Variants in DPP10 observed in about 807,000 individuals in gnomAD.
The protein encoded by DPP10 is inactive dipeptidyl peptidase 10.
A neutral mutation model predicts 120.9 loss-of-function variants in DPP10; 33 were observed. The observed-to-expected ratio is 0.27, with a 90% CI of 0.21 to 0.37. The LOEUF is 0.37. Ranked by LOEUF, DPP10 falls within the 10% of genes least tolerant of loss-of-function variation. DPP10 has a pLI of 1.00. For missense variants in DPP10, 816 were observed against 942.8 expected (o/e 0.87, Z 1.76); for synonymous variants, 337 against 326.1 (o/e 1.03, Z -0.36).
chr2:114,574,902 C>T (rs1387684975), intron 1 of DPP10, among the ~76,000 whole-genome samples: 1 of 152,076 alleles, frequency 6.6e-6, no homozygotes, highest in East Asian at 1.9e-4. Flanking sequence ...GGCAGGCTGC[C>T]TATGTGGGTT....
intron 1 of DPP10, among the ~76,000 whole-genome samples, chr2:114,981,793 A>T (rs1455929081): frequency 6.8e-6 from 1 of 147,814 alleles, no homozygotes; most frequent in Non-Finnish European, 1.5e-5. Flanking sequence ...TTTTTTTTAG[A>T]TAGGGTGTCT....
chr2:114,920,411 C>T (rs1695116194), intron 1 of DPP10, among the ~76,000 whole-genome samples: 1 of 152,128 alleles, frequency 6.6e-6, no homozygotes, highest in Non-Finnish European at 1.5e-5. Flanking sequence ...TGGTCATGTC[C>T]TCTCCCATCT....
intron 1 of DPP10, among the ~76,000 whole-genome samples, chr2:115,030,827 A>C (rs1189797319): frequency 6.6e-6 from 1 of 152,186 alleles, no homozygotes; most frequent in Non-Finnish European, 1.5e-5. Context: ...AGTGTAAATT[A>C]GTTCAAAAAT....
rs1690407065 is a variant in DPP10 at position 115,844,019 on chromosome 2, C to G, written c.*1674C>G. 1 of 152,546 alleles carries G rather than the reference C, an allele frequency of 6.6e-6. No homozygotes were observed. Among genetic ancestry groups the G allele is most frequent in the African/African-American group, 2.4e-5 (1 of 41,424 alleles). The allele number at this position is 152,546 out of a possible 1,614,324, so 9.4% of individuals were successfully genotyped here. A position where few individuals can be genotyped will look rare whatever the true frequency, so the allele number is the denominator to read the frequency against. On this transcript the variant is annotated 3_prime_UTR_variant, in exon 26 of 26. Transcript: ENST00000410059. Reference sequence around the variant, plus strand: ...TCATGGATTTGGTATTCAACTTTTTCCCTGGATGCTTTGGAATCGTGTCTT... The same window carrying G: ...TCATGGATTTGGTATTCAACTTTTTGCCTGGATGCTTTGGAATCGTGTCTT...
At chr2:115,638,438 C>T (rs934508957) in intron 5 of DPP10, among the ~76,000 whole-genome samples, 3 of 152,078 alleles carry the variant, frequency 2.0e-5, no homozygotes, top group Admixed American at 1.3e-4. Context: ...TCTCTAAGGC[C>T]GAATCCAAGT....
chr2:115,426,559 C>T (rs2070476537), intron 3 of DPP10, among the ~76,000 whole-genome samples: 1 of 112,162 alleles, frequency 8.9e-6, no homozygotes, highest in Admixed American at 9.3e-5. Context: ...GATGACATTT[C>T]AACATGAGAT....
chr2:114,446,294 A>AT (rs1229853798), intron 1 of DPP10, among the ~76,000 whole-genome samples: 1 of 152,064 alleles, frequency 6.6e-6, no homozygotes, highest in Non-Finnish European at 1.5e-5. Context: ...AAATGTGCAG[A>AT]TTTTTTTCTT....
At chr2:115,366,613 G>A (rs2106376961) in intron 3 of DPP10, among the ~76,000 whole-genome samples, 1 of 152,080 alleles carries the variant, frequency 6.6e-6, no homozygotes, top group South Asian at 2.1e-4. Flanking sequence ...TGTTGTATTT[G>A]TCTTCATAAT....
chr2:114,938,302 T>C (rs1696634622), intron 1 of DPP10, among the ~76,000 whole-genome samples: 1 of 152,176 alleles, frequency 6.6e-6, no homozygotes, highest in Non-Finnish European at 1.5e-5. Context: ...TAAATGGGTA[T>C]AAAAATTGTT....
chr2:115,341,064 A>G (rs185455260), intron 2 of DPP10, among the ~76,000 whole-genome samples: 3 of 152,186 alleles, frequency 2.0e-5, no homozygotes, highest in Admixed American at 2.0e-4. Flanking sequence ...TATTTCTGAA[A>G]CCCTAATAAA....
chr2:115,707,852 C>A (rs1056241991), intron 7 of DPP10, among the ~76,000 whole-genome samples: 5 of 151,786 alleles, frequency 3.3e-5, no homozygotes, highest in African/African-American at 1.2e-4. Flanking sequence ...ACAAAAATAT[C>A]TATATATTAT....
chr2:115,592,591 A>AAAAAAAC (rs2082732048), intron 5 of DPP10, among the ~76,000 whole-genome samples: 1 of 198 alleles, frequency 5.1e-3, no homozygotes, highest in Non-Finnish European at 0.026. Flanking sequence ...AAAAAAAACA[A>AAAAAAAC]AAAAAAAAAC....
rs955432961 is a variant in DPP10, at chr2:115,746,005, T to G, written c.853-81T>G. 3.9e-6 allele frequency: 4 copies of G among 1,025,544 alleles called. No individual in the cohort carries two copies. In the African/African-American group the frequency reaches 6.7e-5, roughly 17 times the overall value. 63.5% of individuals were successfully genotyped at this position (1,025,544 alleles called of 1,614,324 possible). Reference sequence around the variant, plus strand: ...TTCTTTTCTAACACAAAACAGTAAATGAATCAAAAATCCTTTTCTTTTTTA... The same window carrying G: ...TTCTTTTCTAACACAAAACAGTAAAGGAATCAAAAATCCTTTTCTTTTTTA... On this transcript the variant is annotated intron_variant, in intron 9 of 25. Coordinates refer to ENST00000410059, the MANE Select transcript of DPP10 (RefSeq NM_020868.6).
intron 1 of DPP10, among the ~76,000 whole-genome samples, chr2:114,685,267 AAAAC>A (rs1423298660): frequency 2.0e-5 from 3 of 151,994 alleles, no homozygotes; most frequent in African/African-American, 7.2e-5. Context: ...ACTCATGAGA[AAAAC>A]AACAACAAAC....
chr2:115,538,718 A>G (rs748016000), intron 5 of DPP10, among the ~76,000 whole-genome samples: 1 of 152,130 alleles, frequency 6.6e-6, no homozygotes, highest in East Asian at 1.9e-4. Context: ...CATTAACTTT[A>G]AAAACACTGA....
chr2:115,308,695 T>G (rs2106019466), intron 1 of DPP10, among the ~76,000 whole-genome samples: 1 of 9,410 alleles, frequency 1.1e-4, no homozygotes, highest in South Asian at 3.7e-3. Context: ...TAAATCCTGT[T>G]TTTTTTTTTT....
chr2:114,880,662 T>C (rs1488814206), intron 1 of DPP10, among the ~76,000 whole-genome samples: 1 of 152,154 alleles, frequency 6.6e-6, no homozygotes, highest in Non-Finnish European at 1.5e-5. Context: ...TTACAAAGAC[T>C]GAATTGTTGC....
intron 1 of DPP10, among the ~76,000 whole-genome samples, chr2:115,167,524 T>A (rs1453978095): frequency 1.3e-5 from 2 of 151,630 alleles, no homozygotes; most frequent in East Asian, 3.9e-4. Context: ...GGAGGATTGC[T>A]TGAACCTGGG....
At chr2:115,275,423 C>T (rs1162559448) in intron 1 of DPP10, among the ~76,000 whole-genome samples, 2 of 152,118 alleles carry the variant, frequency 1.3e-5, no homozygotes, top group Non-Finnish European at 2.9e-5. Flanking sequence ...GATTAGGGTG[C>T]ATAATCTCAT....
Sources: gnomAD v4.1 joint callset for allele counts (sites outside exome capture counted in the v4.1 genomes callset) on GRCh38, gnomAD v4.1.1 for gene constraint, MANE v1.5 for transcripts, NCBI Gene and HGNC (gene_info 2026-07-23, HGNC 2026-07-21) for gene names.